LDAH: variants seen among roughly 807,000 people sequenced by gnomAD.
The protein encoded by LDAH is lipid droplet-associated hydrolase.
LDAH carries 26 observed loss-of-function variants against 29.6 expected under a neutral mutation model. The observed-to-expected ratio is 0.88, with a 90% CI of 0.64 to 1.22. The LOEUF is 1.22. LDAH is among the 50% of genes most tolerant of loss of function. LDAH has a pLI of 0.00. For synonymous variants in LDAH, 117 were observed against 133.0 expected, an observed-to-expected ratio of 0.88 and a Z score of 0.83; for missense variants, 344 against 387.3, an observed-to-expected ratio of 0.89 and a Z score of 0.94.
Position 20,772,791 on chromosome 2 carries a change from C to G in LDAH, c.468+2019G>C, listed in dbSNP as rs989522243. On this transcript the variant is annotated intron_variant, in intron 4 of 6. Coordinates refer to ENST00000237822, the MANE Select transcript of LDAH (RefSeq NM_021925.4). The stretch of plus-strand genomic sequence containing the variant: ...CACGTTAAAGAAGGTGGCCTCCCCC[C>G]AAATGCCACTGCTGAATGAAGGCTC... 4.6e-5 allele frequency among the ~76,000 whole-genome samples: 7 copies of G among 152,180 alleles called. No individual in the cohort carries two copies. In the South Asian group the frequency reaches 1.2e-3, roughly 27 times the overall value.
intron 4 of LDAH, among the ~76,000 whole-genome samples, chr2:20,765,592 G>A (rs983259374): frequency 3.9e-5 from 6 of 152,156 alleles, no homozygotes; most frequent in African/African-American, 1.4e-4. Flanking sequence ...GGGCTCAGTT[G>A]GATGGTTCTT....
intron 6 of LDAH, among the ~76,000 whole-genome samples, chr2:20,690,432 G>T (rs1246496513): frequency 6.6e-6 from 1 of 152,182 alleles, no homozygotes; most frequent in African/African-American, 2.4e-5. Context: ...ACTGATGATG[G>T]GGGTGGGCTC....
chr2:20,731,536 G>A (rs576120233), intron 5 of LDAH, among the ~76,000 whole-genome samples: 1 of 152,206 alleles, frequency 6.6e-6, no homozygotes, highest in Middle Eastern at 3.4e-3. Flanking sequence ...ATTAATACAT[G>A]TTTACTATGT....
At chr2:20,767,257 C>T (rs887438921) in intron 4 of LDAH, among the ~76,000 whole-genome samples, 2 of 152,210 alleles carry the variant, frequency 1.3e-5, no homozygotes, top group Admixed American at 6.5e-5. Context: ...GGCTGTGGAC[C>T]CAGGCCTCTC....
chr2:20,698,456 G>A lies in LDAH; in HGVS notation c.786+3114C>T, dbSNP rs1002803822. On this transcript the variant is annotated intron_variant, in intron 6 of 6. Coordinates refer to ENST00000237822, the MANE Select transcript of LDAH (RefSeq NM_021925.4). The surrounding 1 kb of genome is among the most constrained non-coding windows in gnomAD (Gnocchi z 4.4). Reference sequence around the variant, plus strand: ...TGTAATCCCAGCACCTTGGGAGGCCGAGGCCGGTAAATCACAAGGTCAGGA... The same window carrying A: ...TGTAATCCCAGCACCTTGGGAGGCCAAGGCCGGTAAATCACAAGGTCAGGA... Among the ~76,000 whole-genome samples the A allele has an allele frequency of 5.3e-5, 8 of 152,304 alleles. No homozygotes were observed. Among genetic ancestry groups the A allele is most frequent in the African/African-American group, 9.6e-5 (4 of 41,548 alleles).
At chr2:20,758,275 A>G (rs568891707) in intron 4 of LDAH, among the ~76,000 whole-genome samples, 1 of 152,234 alleles carries the variant, frequency 6.6e-6, no homozygotes, top group Non-Finnish European at 1.5e-5. Context: ...ATAAAGTCAG[A>G]TAGGGAGTTT....
intron 1 of LDAH, among the ~76,000 whole-genome samples, chr2:20,808,359 A>C (rs1672221452): frequency 6.6e-6 from 1 of 152,134 alleles, no homozygotes; most frequent in South Asian, 2.1e-4. Context: ...GAAGTGTAAA[A>C]AGTCAAGAAT....
rs1662450027 is a variant in LDAH at position 20,684,827 on chromosome 2, C to A, written c.*2076G>T. The A allele has an allele frequency of 6.5e-7, 1 of 1,529,892 alleles. No homozygotes were observed. 94.8% of individuals were successfully genotyped at this position (1,529,892 alleles called of 1,614,324 possible). On this transcript the variant is annotated 3_prime_UTR_variant, in exon 7 of 7. Coordinates refer to ENST00000237822, the MANE Select transcript of LDAH (RefSeq NM_021925.4). Reference sequence around the variant, plus strand: ...TGACTGGGACATACAGGCAGAGCTGCTTCTGGAAAATGGATTTCTTCCACT... The same window carrying A: ...TGACTGGGACATACAGGCAGAGCTGATTCTGGAAAATGGATTTCTTCCACT...
chr2:20,804,873 T>A (rs1308644690), intron 1 of LDAH, among the ~76,000 whole-genome samples: 3 of 152,320 alleles, frequency 2.0e-5, no homozygotes, highest in African/African-American at 7.2e-5. Flanking sequence ...TATCACTTCA[T>A]ATTTTCTTAT....
At chr2:20,715,910 G>A (rs1004237182) in intron 5 of LDAH, among the ~76,000 whole-genome samples, 5 of 152,032 alleles carry the variant, frequency 3.3e-5, no homozygotes, top group Non-Finnish European at 4.4e-5. Context: ...TCAACAAGTG[G>A]GTGAAGGATA....
intron 4 of LDAH, among the ~76,000 whole-genome samples, chr2:20,740,748 G>C (rs1667116969): frequency 6.6e-6 from 1 of 152,192 alleles, no homozygotes; most frequent in African/African-American, 2.4e-5. Flanking sequence ...AAATGCCCAT[G>C]TGCACTAAGT....
intron 1 of LDAH, among the ~76,000 whole-genome samples, chr2:20,819,721 T>C (rs1673115335): frequency 6.6e-6 from 1 of 152,214 alleles, no homozygotes; most frequent in South Asian, 2.1e-4. Flanking sequence ...GGATGCCCTC[T>C]CTCACCACTC....
chr2:20,760,744 A>T (rs895393437), intron 4 of LDAH, among the ~76,000 whole-genome samples: 1 of 152,172 alleles, frequency 6.6e-6, no homozygotes, highest in Non-Finnish European at 1.5e-5. Context: ...TGGGAGAGAG[A>T]CTTCTGCAAG....
chr2:20,821,864 C>T (rs1051581164), intron 1 of LDAH, among the ~76,000 whole-genome samples: 3 of 152,108 alleles, frequency 2.0e-5, no homozygotes, highest in South Asian at 2.1e-4. Flanking sequence ...TAGATGGGCA[C>T]CCACTGTGTT....
chr2:20,708,485 A>G (rs1473837698), intron 5 of LDAH, among the ~76,000 whole-genome samples: 1 of 152,272 alleles, frequency 6.6e-6, no homozygotes, highest in Non-Finnish European at 1.5e-5. Context: ...AAGCTATCCA[A>G]TAAAAAATTA....
chr2:20,818,710 T>C (rs1300992907), intron 1 of LDAH, among the ~76,000 whole-genome samples: 3 of 152,136 alleles, frequency 2.0e-5, no homozygotes, highest in Non-Finnish European at 4.4e-5. Flanking sequence ...AGCATTTAAA[T>C]GGCAAAATAA....
At chr2:20,700,622 A>G (rs983832623) in intron 6 of LDAH, among the ~76,000 whole-genome samples, 3 of 152,284 alleles carry the variant, frequency 2.0e-5, no homozygotes, top group African/African-American at 7.2e-5. Flanking sequence ...TTCAGCACCA[A>G]TTGTAAAGTT....
intron 4 of LDAH, among the ~76,000 whole-genome samples, 156 bp downstream of exon 4, chr2:20,774,654 C>T (rs897162836): frequency 1.3e-5 from 2 of 152,166 alleles, no homozygotes; most frequent in Non-Finnish European, 2.9e-5. Context: ...ATAAGCCCAT[C>T]GTAATATGGA....
intron 3 of LDAH, among the ~76,000 whole-genome samples, chr2:20,785,933 G>A (rs1670517007): frequency 6.6e-6 from 1 of 152,082 alleles, no homozygotes; most frequent in South Asian, 2.1e-4. Flanking sequence ...TCTTCCATTA[G>A]AGTTCTCAAC....
Sources: gnomAD v4.1 joint callset for allele counts (sites outside exome capture counted in the v4.1 genomes callset) on GRCh38, gnomAD v4.1.1 for gene constraint, Gnocchi (gnomAD v3.1) non-coding constraint, MANE v1.5 for transcripts, NCBI Gene and HGNC (gene_info 2026-07-23, HGNC 2026-07-21) for gene names.